The following LAMA3 variants were observed in gnomAD, a reference collection of about 807,000 sequenced individuals.
LAMA3 encodes the protein laminin subunit alpha-3.
LAMA3 carries 281 observed loss-of-function variants against 402.0 expected under a neutral mutation model. The ratio of observed to expected loss-of-function variants is 0.70; its 90% confidence interval spans 0.63 to 0.77. The LOEUF (loss-of-function observed/expected upper bound fraction) is 0.77. LAMA3 is among the 30% of genes least tolerant of loss of function. LAMA3 has a pLI of 0.00. For missense variants in LAMA3, 3,840 were observed against 4,215.5 expected (o/e 0.91, Z 2.47); for synonymous variants, 1,431 against 1,558.4 (o/e 0.92, Z 1.93).
chr18:23,860,663 G>A (rs1470968458), intron 34 of LAMA3, among the ~76,000 whole-genome samples: 2 of 147,338 alleles, frequency 1.4e-5, no homozygotes, highest in East Asian at 4.0e-4. Flanking sequence ...TGTGAGTCAT[G>A]TCTTATATCC....
intron 60 of LAMA3, 67 bp downstream of exon 60, chr18:23,916,762 TG>T (rs1479095451): frequency 2.6e-6 from 4 of 1,515,934 alleles, no homozygotes; most frequent in Non-Finnish European, 3.7e-6. Flanking sequence ...TGGAGATAAC[TG>T]GGTTGTTATA....
intron 7 of LAMA3, among the ~76,000 whole-genome samples, chr18:23,761,874 A>G (rs902242886): frequency 1.3e-5 from 2 of 152,250 alleles, no homozygotes; most frequent in African/African-American, 2.4e-5. Context: ...TTTCACAGTA[A>G]TAAATAATAA....
chr18:23,814,983 TG>T (rs1246659795), intron 15 of LAMA3, among the ~76,000 whole-genome samples: 1 of 152,252 alleles, frequency 6.6e-6, no homozygotes, highest in Non-Finnish European at 1.5e-5. Flanking sequence ...TGTTACTTTT[TG>T]TAAATGGATA....
chr18:23,911,470 T>A (rs2081421439), intron 55 of LAMA3, among the ~76,000 whole-genome samples: 1 of 152,162 alleles, frequency 6.6e-6, no homozygotes, highest in Non-Finnish European at 1.5e-5. Flanking sequence ...TTTGAACAAT[T>A]TGAATTGCCT....
intron 12 of LAMA3, among the ~76,000 whole-genome samples, chr18:23,794,262 G>GGGGCAGGTTAAAAGA (rs1442412648): frequency 6.6e-6 from 1 of 152,222 alleles, no homozygotes; most frequent in Non-Finnish European, 1.5e-5. Flanking sequence ...GTCCTGCCTT[G>GGGGCAGGTTAAAAGA]GGGCAGGTTA....
chr18:23,880,448 G>T (rs1260714187), intron 39 of LAMA3, among the ~76,000 whole-genome samples: 1 of 152,196 alleles, frequency 6.6e-6, no homozygotes, highest in East Asian at 1.9e-4. Context: ...GTTAGTGAAG[G>T]ATGGATTTGC....
intron 69 of LAMA3, among the ~76,000 whole-genome samples, chr18:23,945,530 C>G (rs1224974407): frequency 1.3e-5 from 2 of 152,124 alleles, no homozygotes; most frequent in Non-Finnish European, 2.9e-5. Flanking sequence ...GGTTGAGTGG[C>G]CTGTCAGACC....
rs900503261 is a variant in LAMA3, at chr18:23,901,334, A to G, written c.6201+11A>G. 3 of 1,609,988 alleles carry G rather than the reference A, an allele frequency of 1.9e-6. No individual in the cohort carries two copies. Among genetic ancestry groups the G allele is most frequent in the East Asian group, 4.5e-5 (2 of 44,866 alleles). ...TTGGGAGCCATTCAGGTGAGTTCAC[A>G]GTTTGAAGTTGCACACTTTCGTTAA... On this transcript the variant is annotated intron_variant, in intron 48 of 74. Coordinates refer to ENST00000313654, the MANE Select transcript of LAMA3 (RefSeq NM_198129.4).
At chr18:23,850,602 C>T (rs769175566) in intron 32 of LAMA3, among the ~76,000 whole-genome samples, 8 of 152,134 alleles carry the variant, frequency 5.3e-5, no homozygotes, top group Non-Finnish European at 8.8e-5. Flanking sequence ...GTGTAATTAT[C>T]GAAAGGTCTA....
chr18:23,699,602 TA>T (rs1464291053), intron 1 of LAMA3, among the ~76,000 whole-genome samples: 2 of 152,230 alleles, frequency 1.3e-5, no homozygotes, highest in Non-Finnish European at 2.9e-5. Flanking sequence ...TTCATAAATC[TA>T]GGCTAAGAGG....
rs377458389 is a variant in LAMA3, at chr18:23,750,875, A to G, written c.685-43A>G. ...TACTTACTTGCTGCTAAATTTTGAT[A>G]AAAGGAACTTTTTCCCCCTTTATGT... On this transcript the variant is annotated intron_variant, in intron 4 of 74. Transcript: ENST00000313654. The G allele has an allele frequency of 9.3e-6, 15 of 1,610,666 alleles. No homozygotes were observed. The Admixed American group carries it at 1.2e-4, about 13-fold the overall frequency.
chr18:23,817,882 C>T (rs540757519), intron 18 of LAMA3, among the ~76,000 whole-genome samples: 7 of 152,076 alleles, frequency 4.6e-5, no homozygotes, highest in Non-Finnish European at 1.0e-4. Flanking sequence ...AAAACGTTTT[C>T]CTGGCTCGCG....
At chr18:23,760,479 A>G (rs935211397) in intron 7 of LAMA3, among the ~76,000 whole-genome samples, 2 of 152,214 alleles carry the variant, frequency 1.3e-5, no homozygotes, top group African/African-American at 4.8e-5. Flanking sequence ...ATTAAAACAT[A>G]CAAATTACTA....
At chr18:23,746,092 T>G (rs1458686243) in intron 2 of LAMA3, among the ~76,000 whole-genome samples, 1 of 152,216 alleles carries the variant, frequency 6.6e-6, no homozygotes, top group Non-Finnish European at 1.5e-5. Flanking sequence ...ATTTTCAGAG[T>G]ACATTATAAT....
intron 36 of LAMA3, among the ~76,000 whole-genome samples, chr18:23,866,093 C>T (rs566986217): frequency 1.3e-5 from 2 of 152,250 alleles, no homozygotes; most frequent in East Asian, 1.9e-4. Context: ...ACTGAGGGGA[C>T]GTTTGTTTTT....
Position 23,901,333 on chromosome 18 carries a change from CA to C in LAMA3, c.6201+11del. ...TTTGGGAGCCATTCAGGTGAGTTCA[CA>C]GTTTGAAGTTGCACACTTTCGTTAA... On this transcript the variant is annotated intron_variant, in intron 48 of 74. Coordinates refer to ENST00000313654, the MANE Select transcript of LAMA3 (RefSeq NM_198129.4). 6.2e-7 allele frequency: 1 copy of C among 1,611,062 alleles called. No individual in the cohort carries two copies. Among genetic ancestry groups the C allele is most frequent in the Non-Finnish European group, 8.5e-7 (1 of 1,177,626 alleles).
intron 24 of LAMA3, 101 bp from the exon 25 acceptor site, chr18:23,836,880 T>C (rs1245442907): frequency 3.8e-6 from 3 of 786,782 alleles, no homozygotes; most frequent in East Asian, 2.5e-5. Context: ...CATTCAGTTA[T>C]AAACAGGTGA....
At chr18:23,897,022 G>A (rs189653583) in intron 44 of LAMA3, among the ~76,000 whole-genome samples, 85 of 152,166 alleles carry the variant, frequency 5.6e-4, no homozygotes, top group African/African-American at 1.9e-3. Context: ...AAAACAACAG[G>A]ACAATCTGAA....
intron 41 of LAMA3, among the ~76,000 whole-genome samples, 180 bp from the exon 42 acceptor site, chr18:23,889,831 G>T (rs2080590740): frequency 6.6e-6 from 1 of 152,142 alleles, no homozygotes; most frequent in Non-Finnish European, 1.5e-5. Flanking sequence ...ATTTATTTCT[G>T]TGAGACAATT....
Sources: allele counts gnomAD v4.1 joint callset (sites outside exome capture counted in the v4.1 genomes callset), GRCh38; gene constraint gnomAD v4.1.1; transcripts MANE v1.5; gene names NCBI Gene and HGNC (gene_info 2026-07-23, HGNC 2026-07-21).